Variants in MAGI1 observed in about 807,000 individuals in gnomAD.
The protein encoded by MAGI1 is membrane associated guanylate kinase, WW and PDZ domain containing 1, also known as membrane-associated guanylate kinase, WW and PDZ domain-containing protein 1.
A neutral mutation model predicts 139.9 loss-of-function variants in MAGI1; 58 were observed. That is an observed-to-expected ratio of 0.41 (90% CI 0.34 to 0.52). MAGI1 has a LOEUF of 0.52. Ranked by LOEUF, MAGI1 falls within the 20% of genes least tolerant of loss-of-function variation. The pLI, the probability that MAGI1 is intolerant of heterozygous loss-of-function variation, is 0.12. For synonymous variants in MAGI1, 812 were observed against 737.9 expected (o/e 1.10, Z -1.63); for missense variants, 1,874 against 1,901.6 (o/e 0.99, Z 0.27).
At chr3:65,997,183 G>C (rs148846446) in intron 1 of MAGI1, among the ~76,000 whole-genome samples, 1,531 of 152,164 alleles carry the variant, frequency 0.01, 25 homozygotes, top group African/African-American at 0.03. Flanking sequence ...GAAGTGGTCT[G>C]GCAGCACCTC....
At chr3:65,490,563 C>T (rs1951933275) in intron 3 of MAGI1, among the ~76,000 whole-genome samples, 1 of 151,992 alleles carries the variant, frequency 6.6e-6, no homozygotes, top group Non-Finnish European at 1.5e-5. Context: ...TGAGCCATCT[C>T]GGCCAGGCTC....
chr3:65,755,878 T>C (rs2036524769), intron 1 of MAGI1, among the ~76,000 whole-genome samples: 3 of 152,224 alleles, frequency 2.0e-5, no homozygotes, highest in South Asian at 2.1e-4. Context: ...TGCATTATCA[T>C]GCTGCAATAT....
At chr3:65,399,408 G>A (rs1944672008) in intron 13 of MAGI1, among the ~76,000 whole-genome samples, 1 of 152,156 alleles carries the variant, frequency 6.6e-6, no homozygotes, top group Non-Finnish European at 1.5e-5. Context: ...ACAGATGTTA[G>A]CAGCACTTTA....
At chr3:65,464,599 G>A (rs185909413) in intron 5 of MAGI1, among the ~76,000 whole-genome samples, 1 of 152,074 alleles carries the variant, frequency 6.6e-6, no homozygotes, top group East Asian at 1.9e-4. Flanking sequence ...TGCTTCTTTC[G>A]ATTAACATTT....
chr3:66,035,170 A>C (rs2068848785), intron 1 of MAGI1, among the ~76,000 whole-genome samples: 1 of 152,208 alleles, frequency 6.6e-6, no homozygotes, highest in Admixed American at 6.5e-5. Flanking sequence ...TTCTCCATTT[A>C]AAATGAACCA....
At chr3:65,784,573 C>T (rs113535686) in intron 1 of MAGI1, among the ~76,000 whole-genome samples, 139 of 152,132 alleles carry the variant, frequency 9.1e-4, no homozygotes, top group African/African-American at 3.1e-3. Flanking sequence ...GGCGCGGTGA[C>T]GGGCGCCTGT....
At chr3:65,953,770 C>A (rs1488814855) in intron 1 of MAGI1, among the ~76,000 whole-genome samples, 1 of 152,134 alleles carries the variant, frequency 6.6e-6, no homozygotes, top group Non-Finnish European at 1.5e-5. Context: ...CTCTGTAGCA[C>A]CGAAAGTAAA....
chr3:65,692,686 C>G (rs962842724), intron 1 of MAGI1, among the ~76,000 whole-genome samples: 3 of 152,090 alleles, frequency 2.0e-5, no homozygotes, highest in African/African-American at 7.2e-5. Flanking sequence ...GTGATTGGGT[C>G]ATGAGGGCTC....
At chr3:65,530,658 T>TATATATACATATATATATAC (rs1559642194) in intron 2 of MAGI1, among the ~76,000 whole-genome samples, 33 of 130,624 alleles carry the variant, frequency 2.5e-4, no homozygotes, top group East Asian at 1.5e-3. Flanking sequence ...TGTGTGTGTG[T>TATATATACATATATATATAC]GTGTATATAT....
intron 2 of MAGI1, among the ~76,000 whole-genome samples, chr3:65,509,473 T>C (rs1040171840): frequency 4.6e-5 from 7 of 151,828 alleles, no homozygotes; most frequent in African/African-American, 1.7e-4. Flanking sequence ...CGAAGCAGGG[T>C]GAGGCACTGC....
intron 7 of MAGI1, among the ~76,000 whole-genome samples, chr3:65,445,995 G>A (rs1352901929): frequency 6.6e-6 from 1 of 152,178 alleles, no homozygotes; most frequent in Non-Finnish European, 1.5e-5. Flanking sequence ...AAAACAGTGT[G>A]TGTGCACGTG....
intron 1 of MAGI1, among the ~76,000 whole-genome samples, chr3:65,759,040 G>C (rs2649189): frequency 4.7e-5 from 5 of 107,072 alleles, no homozygotes; most frequent in Non-Finnish European, 8.6e-5. Context: ...CACAGCCCCA[G>C]AAAGGAGAAC....
intron 2 of MAGI1, among the ~76,000 whole-genome samples, chr3:65,591,984 T>C (rs2081985712): frequency 6.6e-6 from 1 of 152,196 alleles, no homozygotes. Flanking sequence ...TCGTATAATG[T>C]CCCACCTTCT....
At chr3:65,721,788 T>G (rs78657211) in intron 1 of MAGI1, among the ~76,000 whole-genome samples, 1 of 152,088 alleles carries the variant, frequency 6.6e-6, no homozygotes, top group Non-Finnish European at 1.5e-5. Flanking sequence ...ACTGCCTCAG[T>G]TGGTTTCCTT....
chr3:66,038,549 C>G lies in MAGI1; in HGVS notation c.-241G>C. 1 of 502,568 alleles carries G rather than the reference C, an allele frequency of 2.0e-6. No homozygotes were observed. Among genetic ancestry groups the G allele is most frequent in the Non-Finnish European group, 3.3e-6 (1 of 299,618 alleles). 31.1% of individuals were successfully genotyped at this position (502,568 alleles called of 1,614,324 possible). ...GCGCCCGCGAGCTTTGTTTGCATTC[C>G]GGTGCCTCTGGGTCCACGTTCCGGC... On this transcript the variant is annotated 5_prime_UTR_variant, in exon 1 of 23. Transcript: ENST00000402939.
chr3:65,822,777 C>A (rs2042018179), intron 1 of MAGI1, among the ~76,000 whole-genome samples: 1 of 152,110 alleles, frequency 6.6e-6, no homozygotes, highest in South Asian at 2.1e-4. Flanking sequence ...GTGATACTCA[C>A]TTTTAAACAA....
intron 1 of MAGI1, among the ~76,000 whole-genome samples, chr3:65,822,387 G>C (rs536532688): frequency 3.1e-4 from 47 of 152,140 alleles, no homozygotes; most frequent in African/African-American, 1.1e-3. Context: ...AATTAGCCGA[G>C]TGCGGTGGTG....
At chr3:65,465,060 TTGAC>T (rs1419376660) in intron 5 of MAGI1, among the ~76,000 whole-genome samples, 1 of 149,780 alleles carries the variant, frequency 6.7e-6, no homozygotes, top group Non-Finnish European at 1.5e-5. Context: ...TTTTACCGCT[TTGAC>T]TGAAGTAGAT....
intron 12 of MAGI1, among the ~76,000 whole-genome samples, chr3:65,425,081 A>G (rs1291255846): frequency 7.5e-5 from 11 of 147,034 alleles, no homozygotes; most frequent in African/African-American, 2.8e-4. Flanking sequence ...AGAGAAGAAG[A>G]AAAAAAAAAC....
Sources: allele counts gnomAD v4.1 joint callset (sites outside exome capture counted in the v4.1 genomes callset), GRCh38; gene constraint gnomAD v4.1.1; transcripts MANE v1.5; gene names NCBI Gene and HGNC (gene_info 2026-07-23, HGNC 2026-07-21).